Variants in SUN1 observed in about 807,000 individuals in gnomAD.
SUN1 encodes SUN domain-containing protein 1.
A neutral mutation model predicts 103.2 loss-of-function variants in SUN1; 61 were observed. The ratio of observed to expected loss-of-function variants is 0.59; its 90% CI spans 0.48 to 0.73. The LOEUF is 0.73. Among genes scored for constraint, SUN1 ranks in the 30% least tolerant of loss-of-function variants. The pLI, the probability that SUN1 is intolerant of heterozygous loss-of-function variation, is 0.00. For synonymous variants in SUN1, 490 were observed against 425.7 expected (o/e 1.15, Z -1.86); for missense variants, 1,052 against 1,034.6 (o/e 1.02, Z -0.23).
rs1812150555 is a variant in SUN1 at position 843,448 on chromosome 7, G to A, written c.586G>A (p.Asp196Asn). 6.2e-7 allele frequency: 1 copy of A among 1,614,072 alleles called. No individual in the cohort carries two copies. The highest frequency in any genetic ancestry group is 1.3e-5 in the African/African-American group (1 of 74,944). The change falls in exon 5 of 19, where the codon GAC becomes AAC. Residue 196 changes from aspartate to asparagine, a missense_variant. Coordinates refer to ENST00000401592, the MANE Select transcript of SUN1 (RefSeq NM_001130965.3). ...CTGCAGCATGCTGTCCGAGCGCAAG[G>A]ACGTGCTCACGGCGCACCCCGCGGC... is the stretch of plus-strand genomic sequence containing the variant. ...SNCSMLSERK[D>N]VLTAHPAAPG...
At chr7:847,281 C>T (rs1193805222) in intron 5 of SUN1, among the ~76,000 whole-genome samples, 1 of 147,456 alleles carries the variant, frequency 6.8e-6, no homozygotes, top group Non-Finnish European at 1.5e-5. Context: ...CCCGCAGCGC[C>T]GTCTCCGGGA....
chr7:831,224 C>T (rs540991445), upstream of SUN1, among the ~76,000 whole-genome samples: 9 of 150,922 alleles, frequency 6.0e-5, no homozygotes, highest in Admixed American at 6.6e-5. Context: ...GTGTCTGGGT[C>T]GGACGCTGGG....
At chr7:820,263 GT>G (rs531676497) in intron 1 of SUN1, among the ~76,000 whole-genome samples, 1 of 152,162 alleles carries the variant, frequency 6.6e-6, no homozygotes, top group Non-Finnish European at 1.5e-5. Context: ...ACAATGCTTT[GT>G]GATTTTCAGT....
At chr7:833,418 C>G (rs556622421) in intron 1 of SUN1, among the ~76,000 whole-genome samples, 1 of 151,086 alleles carries the variant, frequency 6.6e-6, no homozygotes, top group Non-Finnish European at 1.5e-5. Context: ...TCAAGCAGTT[C>G]TTCTGCCTCA....
At chr7:816,224 C>T (rs111652739), upstream of SUN1, 4,056 of 193,632 alleles carry the variant, frequency 0.021, 131 homozygotes, top group Non-Finnish European at 0.025. Context: ...CAGGTGCAGA[C>T]CCCTCCCCCA....
At chr7:830,748 C>T (rs959521635), upstream of SUN1, among the ~76,000 whole-genome samples, 7 of 152,146 alleles carry the variant, frequency 4.6e-5, no homozygotes, top group African/African-American at 1.7e-4. Context: ...ACTGAGTTAG[C>T]CCAGTGTCCC....
chr7:840,332 C>G (rs1007561702), intron 2 of SUN1, among the ~76,000 whole-genome samples: 2 of 152,242 alleles, frequency 1.3e-5, no homozygotes, highest in African/African-American at 4.8e-5. Context: ...TGTCAAGCAC[C>G]CAGTTACCAG....
intron 15 of SUN1, among the ~76,000 whole-genome samples, chr7:864,411 G>T (rs191597043): frequency 4.6e-5 from 7 of 151,902 alleles, no homozygotes; most frequent in Admixed American, 3.9e-4. Context: ...AAAATTATCC[G>T]GGTGTGGTGG....
intron 13 of SUN1, among the ~76,000 whole-genome samples, chr7:858,427 T>C (rs749107873): frequency 1.3e-5 from 2 of 152,150 alleles, no homozygotes; most frequent in Non-Finnish European, 2.9e-5. Flanking sequence ...TTTTTAAATA[T>C]TCCAAAATAA....
At chr7:865,058 G>C (rs888640982) in intron 15 of SUN1, among the ~76,000 whole-genome samples, 6 of 152,160 alleles carry the variant, frequency 3.9e-5, no homozygotes, top group Non-Finnish European at 5.9e-5. Flanking sequence ...TTTTAAATAA[G>C]TGAGAACATG....
intron 7 of SUN1, chr7:852,280 C>A (rs1247743046): frequency 3.3e-6 from 2 of 598,936 alleles, no homozygotes; most frequent in Non-Finnish European, 5.8e-6. Context: ...AGGGCCTGGG[C>A]AGGATGGGGG....
Position 842,092 on chromosome 7 carries a change from C to T in SUN1, c.413C>T (p.Ser138Phe). 1.2e-6 allele frequency: 2 copies of T among 1,614,228 alleles called. No homozygotes were observed. Among genetic ancestry groups the T allele is most frequent in the South Asian group, 1.1e-5 (1 of 91,084 alleles). Residue 138 changes from serine (S) to phenylalanine (F), a missense_variant, in exon 3 of 19, where the codon TCT becomes TTT. This residue lies in a region of SUN1 where 846 missense variants were observed against 774.5 expected (regional missense o/e 1.09). Coordinates refer to ENST00000401592, the MANE Select transcript of SUN1 (RefSeq NM_001130965.3). ...VTRRPPVLDE[S>F]WIREQTTVDH... is the part of the protein sequence containing the mutation. ...CGACGGCCTCCTGTATTGGACGAGTCTTGGATTCGTGAACAGACCACAGTG... is the reference window on the plus strand; with the variant it reads ...CGACGGCCTCCTGTATTGGACGAGTTTTGGATTCGTGAACAGACCACAGTG...
At position 853,176 on chromosome 7, in the gene SUN1, A is replaced by G. The variant is rs568174057; in HGVS notation, c.1053+224A>G. 4.0e-6 allele frequency: 3 copies of G among 743,936 alleles called. No homozygotes were observed. The South Asian group carries it at 5.8e-5, about 14-fold the overall frequency. The allele number at this position is 743,936 out of a possible 1,614,324, so 46.1% of individuals were successfully genotyped here. A position where few individuals can be genotyped will look rare whatever the true frequency, so the allele number is the denominator to read the frequency against. ...AGTTAGTTTTAATTTTAAAAACATA[A>G]TAGTATTCATCACTGTACAAAGTAC... On this transcript the variant is annotated intron_variant, in intron 9 of 18. Coordinates refer to ENST00000401592, the MANE Select transcript of SUN1 (RefSeq NM_001130965.3).
intron 18 of SUN1, among the ~76,000 whole-genome samples, chr7:872,973 GC>G (rs2128608842): frequency 6.6e-6 from 1 of 152,324 alleles, no homozygotes; most frequent in South Asian, 2.1e-4. Flanking sequence ...TGTAATCCCA[GC>G]TACTCAGGAG....
intron 18 of SUN1, 111 bp downstream of exon 18, chr7:872,673 G>T: frequency 1.2e-6 from 1 of 823,090 alleles, no homozygotes; most frequent in South Asian, 1.6e-5. Flanking sequence ...ACCATCCTTT[G>T]AAAAATGTTA....
At chr7:867,617 G>C (rs1338583130) in intron 16 of SUN1, among the ~76,000 whole-genome samples, 1 of 152,226 alleles carries the variant, frequency 6.6e-6, no homozygotes, top group Non-Finnish European at 1.5e-5. Context: ...AGAAGGAAGT[G>C]CACGGTCACT....
At chr7:864,714 T>C (rs1835032067) in intron 15 of SUN1, among the ~76,000 whole-genome samples, 1 of 28,004 alleles carries the variant, frequency 3.6e-5, no homozygotes, top group African/African-American at 1.1e-4. Context: ...CCGCAACCTC[T>C]GCCTCCCGGC....
Position 832,529 on chromosome 7 carries a change from A to AT in SUN1, c.10dup (p.Ser4PhefsTer34), listed in dbSNP as rs1444680653. ...GTATGGTTTGAAGTGGTGAACATGG[A>AT]TTTTTCTCGGCTTCACATGTACAGT... On this transcript the variant is annotated frameshift_variant, in exon 1 of 19. Coordinates refer to ENST00000401592, the MANE Select transcript of SUN1 (RefSeq NM_001130965.3). LOFTEE classifies it high-confidence loss of function. 6.2e-7 allele frequency: 1 copy of AT among 1,613,000 alleles called. No homozygotes were observed. Among genetic ancestry groups the AT allele is most frequent in the African/African-American group, 1.3e-5 (1 of 74,956 alleles).
chr7:844,052 A>T (rs1812735116), intron 5 of SUN1, among the ~76,000 whole-genome samples: 1 of 152,216 alleles, frequency 6.6e-6, no homozygotes, highest in Non-Finnish European at 1.5e-5. Flanking sequence ...CAGTCACTGC[A>T]GGAAACCCCC....
Sources: allele counts gnomAD v4.1 joint callset (sites outside exome capture counted in the v4.1 genomes callset), GRCh38; gene constraint gnomAD v4.1.1; regional missense constraint gnomAD v4.1.1; transcripts MANE v1.5; gene names NCBI Gene and HGNC (gene_info 2026-07-23, HGNC 2026-07-21).